The following DOCK3 variants were observed in gnomAD, a reference collection of about 807,000 sequenced individuals.
DOCK3 encodes dedicator of cytokinesis protein 3.
DOCK3 carries 60 observed loss-of-function variants against 265.6 expected under a neutral mutation model. The ratio of observed to expected loss-of-function variants is 0.23; its 90% CI spans 0.18 to 0.28. The LOEUF is 0.28. DOCK3 is among the 10% of genes least tolerant of loss of function. The probability of loss-of-function intolerance (pLI) is 1.00; values close to 1 mark genes in which losing one functional copy is unlikely to be tolerated. For synonymous variants in DOCK3, 881 were observed against 938.0 expected, an observed-to-expected ratio of 0.94 and a Z score of 1.11; for missense variants, 1,981 against 2,594.3, an observed-to-expected ratio of 0.76 and a Z score of 5.14.
chr3:51,372,722 G>A lies in DOCK3; in HGVS notation c.5294-1747G>A, dbSNP rs570828378. 3.9e-4 allele frequency among the ~76,000 whole-genome samples: 59 copies of A among 152,284 alleles called. No individual in the cohort carries two copies. In the Middle Eastern group the frequency reaches 0.01, roughly 26 times the overall value. On this transcript the variant is annotated intron_variant, in intron 49 of 52. Coordinates refer to ENST00000266037, the MANE Select transcript of DOCK3 (RefSeq NM_004947.5). ...GGTCTAAAGGTGCTGTGTGTTTTCC[G>A]GTGCATACTGAACAGAGAGTAGTCC...
intron 4 of DOCK3, among the ~76,000 whole-genome samples, chr3:50,903,530 T>G (rs1375359490): frequency 6.6e-6 from 1 of 152,214 alleles, no homozygotes; most frequent in Non-Finnish European, 1.5e-5. Flanking sequence ...TTGATCATAG[T>G]GGATAAGCTT....
chr3:50,943,196 G>A (rs927559202), intron 5 of DOCK3, among the ~76,000 whole-genome samples: 2 of 152,052 alleles, frequency 1.3e-5, no homozygotes, highest in African/African-American at 4.8e-5. Flanking sequence ...GTGGTTACCA[G>A]GGGTTGGTGG....
chr3:51,312,691 C>A, intron 30 of DOCK3, 115 bp downstream of exon 30: 2 of 1,256,480 alleles, frequency 1.6e-6, no homozygotes, highest in African/African-American at 1.5e-5. Context: ...TCCCAGGGGC[C>A]CAAGTGTGGG....
intron 5 of DOCK3, among the ~76,000 whole-genome samples, chr3:51,029,475 G>A (rs563523840): frequency 2.0e-4 from 31 of 152,334 alleles, no homozygotes; most frequent in African/African-American, 7.2e-4. Flanking sequence ...CGAGGCCCCA[G>A]TGGGAAAGGC....
chr3:50,877,957 G>A (rs992556539), intron 3 of DOCK3, among the ~76,000 whole-genome samples: 2 of 152,164 alleles, frequency 1.3e-5, no homozygotes, highest in African/African-American at 4.8e-5. Flanking sequence ...AACATTTGCC[G>A]TTCTGCAATA....
intron 21 of DOCK3, among the ~76,000 whole-genome samples, chr3:51,245,910 A>G (rs1388422224): frequency 6.6e-6 from 1 of 152,148 alleles, no homozygotes; most frequent in East Asian, 1.9e-4. Flanking sequence ...AACGTGACAC[A>G]GGGGATTAAA....
intron 2 of DOCK3, among the ~76,000 whole-genome samples, chr3:50,827,729 G>A (rs2044852652): frequency 6.6e-6 from 1 of 152,118 alleles, no homozygotes; most frequent in Non-Finnish European, 1.5e-5. Context: ...CTGACAATCT[G>A]GATTATTTAG....
intron 3 of DOCK3, among the ~76,000 whole-genome samples, chr3:50,865,340 C>G (rs1187379334): frequency 1.3e-5 from 2 of 152,186 alleles, no homozygotes; most frequent in African/African-American, 4.8e-5. Context: ...CTTCTACTCT[C>G]TGTCTCCATG....
chr3:51,204,954 G>A (rs2089082361), intron 12 of DOCK3, among the ~76,000 whole-genome samples: 1 of 151,986 alleles, frequency 6.6e-6, no homozygotes, highest in African/African-American at 2.4e-5. Flanking sequence ...CTCATAGGTG[G>A]GAATTGAACA....
chr3:51,002,861 GA>G (rs2078536025), intron 5 of DOCK3, among the ~76,000 whole-genome samples: 1 of 151,954 alleles, frequency 6.6e-6, no homozygotes, highest in African/African-American at 2.4e-5. Context: ...AGCTATATTT[GA>G]CCCTTTCAAC....
At chr3:51,199,871 T>G (rs999463426) in intron 12 of DOCK3, among the ~76,000 whole-genome samples, 5 of 152,088 alleles carry the variant, frequency 3.3e-5, no homozygotes, top group African/African-American at 9.7e-5. Flanking sequence ...GCATTCGCGG[T>G]TCACGAAAAA....
At chr3:50,799,042 A>G (rs1230077637) in intron 2 of DOCK3, among the ~76,000 whole-genome samples, 1 of 152,108 alleles carries the variant, frequency 6.6e-6, no homozygotes, top group Non-Finnish European at 1.5e-5. Flanking sequence ...AGATATGTGC[A>G]TTAATTTCTG....
chr3:51,002,341 A>G (rs1028823106), intron 5 of DOCK3, among the ~76,000 whole-genome samples: 14 of 152,186 alleles, frequency 9.2e-5, no homozygotes, highest in African/African-American at 3.4e-4. Flanking sequence ...TATTCTGGGT[A>G]TTAGTCCTTT....
chr3:50,980,712 T>C (rs1371287259), intron 5 of DOCK3, among the ~76,000 whole-genome samples: 3 of 152,146 alleles, frequency 2.0e-5, no homozygotes, highest in African/African-American at 7.2e-5. Context: ...TAGGAATTTA[T>C]CAGTTTTCTG....
In DOCK3 at chr3:51,325,355, C is replaced by T. The variant is rs9826836; in HGVS notation, c.3403-4783C>T. 2.7e-3 allele frequency among the ~76,000 whole-genome samples: 415 copies of T among 152,198 alleles called. 1 individual carries two copies. Among genetic ancestry groups the T allele is most frequent in the African/African-American group, 9.5e-3 (394 of 41,530 alleles). On this transcript the variant is annotated intron_variant, in intron 32 of 52. Transcript: ENST00000266037. Reference sequence around the variant, plus strand: ...ATTAGAGAAATGCAAATCAAAACCGCGATGAGATACCATCTCACACCAGTT... The same window carrying T: ...ATTAGAGAAATGCAAATCAAAACCGTGATGAGATACCATCTCACACCAGTT...
At chr3:51,121,280 C>T (rs924417709) in intron 9 of DOCK3, among the ~76,000 whole-genome samples, 7 of 152,284 alleles carry the variant, frequency 4.6e-5, no homozygotes, top group Non-Finnish European at 4.4e-5. Flanking sequence ...CGGGGTGAGG[C>T]GATGCCCCAC....
At position 51,184,879 on chromosome 3, in the gene DOCK3, G is replaced by A. The variant is rs1421342823; in HGVS notation, c.1038-23895G>A. ...AACATCAGCAGGCAAAAGTCATGCT[G>A]ATAGTATGTACCCTTGATATGATAT... On this transcript the variant is annotated intron_variant, in intron 12 of 52. Coordinates refer to ENST00000266037, the MANE Select transcript of DOCK3 (RefSeq NM_004947.5). Among the ~76,000 whole-genome samples, 3 of 152,164 alleles carry A rather than the reference G, an allele frequency of 2.0e-5. No individual in the cohort carries two copies. In the East Asian group the frequency reaches 5.8e-4, roughly 29 times the overall value.
chr3:50,914,667 G>A (rs2050028402), intron 4 of DOCK3, among the ~76,000 whole-genome samples: 1 of 152,088 alleles, frequency 6.6e-6, no homozygotes, highest in African/African-American at 2.4e-5. Context: ...TTATTCTTCA[G>A]CTATTGGATG....
intron 49 of DOCK3, among the ~76,000 whole-genome samples, chr3:51,366,715 T>C (rs1280317646): frequency 1.3e-5 from 2 of 152,134 alleles, no homozygotes; most frequent in Non-Finnish European, 2.9e-5. Flanking sequence ...TTTCAAAGAA[T>C]ATCTTTATTT....
Sources: allele counts gnomAD v4.1 joint callset (sites outside exome capture counted in the v4.1 genomes callset), GRCh38; gene constraint gnomAD v4.1.1; transcripts MANE v1.5; gene names NCBI Gene and HGNC (gene_info 2026-07-23, HGNC 2026-07-21).